Variants in ANK3 observed in about 807,000 individuals in gnomAD.
ANK3 encodes the protein ankyrin-3.
ANK3 carries 57 observed loss-of-function variants against 370.9 expected under a neutral mutation model. The observed-to-expected ratio is 0.15, with a 90% CI of 0.12 to 0.19. The LOEUF (loss-of-function observed/expected upper bound fraction) is 0.19, where lower values mean the gene tolerates loss of function less well. Ranked by LOEUF, ANK3 falls within the 10% of genes least tolerant of loss-of-function variation. The probability of loss-of-function intolerance (pLI) is 1.00; values close to 1 mark genes in which losing one functional copy is unlikely to be tolerated. For synonymous variants in ANK3, 1,929 were observed against 1,946.3 expected, an observed-to-expected ratio of 0.99 and a Z score of 0.23; for missense variants, 4,439 against 5,302.1, an observed-to-expected ratio of 0.84 and a Z score of 5.06.
At chr10:60,088,487 G>A (rs1007886963) in intron 28 of ANK3, 129 bp from the exon 29 acceptor site, 41 of 806,862 alleles carry the variant, frequency 5.1e-5, no homozygotes, top group South Asian at 2.7e-4. Flanking sequence ...GTGCAATGGC[G>A]TGATCTTGGC....
intron 2 of ANK3, among the ~76,000 whole-genome samples, chr10:60,560,466 A>G (rs1216910752): frequency 6.6e-6 from 1 of 152,230 alleles, no homozygotes; most frequent in East Asian, 1.9e-4. Context: ...GCTGGAATCT[A>G]GAGCATATTG....
At chr10:60,217,661 G>C (rs964011982) in intron 8 of ANK3, among the ~76,000 whole-genome samples, 1 of 152,166 alleles carries the variant, frequency 6.6e-6, no homozygotes, top group African/African-American at 2.4e-5. Context: ...GCCGAGGAGT[G>C]TTTTACTTCC....
At chr10:60,345,760 T>C (rs150644967) in intron 1 of ANK3, among the ~76,000 whole-genome samples, 16 of 152,240 alleles carry the variant, frequency 1.1e-4, no homozygotes, top group Admixed American at 7.2e-4. Context: ...ACGAGTCTTA[T>C]ATTCTTAATA....
chr10:60,390,654 A>C (rs1349577383), upstream of ANK3, among the ~76,000 whole-genome samples: 55 of 151,904 alleles, frequency 3.6e-4, no homozygotes, highest in Admixed American at 3.5e-3. Context: ...CACAGTATTC[A>C]CAGTAAGCGC....
Position 60,081,976 on chromosome 10 carries a change from T to C in ANK3, c.4350+174A>G, listed in dbSNP as rs2085391244. ...TTGAATATATTTAAGTACTCTTAAG[T>C]ACGTGTGGAAGAAGAGTGAACCATT... On this transcript the variant is annotated intron_variant, in intron 35 of 43. Transcript: ENST00000280772. 5 of 460,630 alleles carry C rather than the reference T, an allele frequency of 1.1e-5. No homozygotes were observed. The South Asian group carries it at 2.5e-4, about 23-fold the overall frequency. 28.5% of individuals were successfully genotyped at this position (460,630 alleles called of 1,614,324 possible). A position where few individuals can be genotyped will look rare whatever the true frequency, so the allele number is the denominator to read the frequency against.
intron 25 of ANK3, among the ~76,000 whole-genome samples, chr10:60,122,836 G>A (rs1471177003): frequency 6.6e-6 from 1 of 152,134 alleles, no homozygotes; most frequent in East Asian, 1.9e-4. Context: ...CCAGCACTGG[G>A]GCATTATAGT....
chr10:60,070,319 C>T lies in ANK3; in HGVS notation c.10562G>A (p.Ser3521Asn), dbSNP rs753265298. ...GGCAAATTCTTCATCTACTTTGTAA[C>T]TGAAGTAAGTATCAGGAAACACTGA... ...DRSVFPDTYF[S>N]YKVDEEFATP... Residue 3521 changes from serine to asparagine, a missense_variant, in exon 37 of 44, where the codon AGT becomes AAT. This residue lies in a region of ANK3 where 1,601 missense variants were observed against 1,731.7 expected (regional missense o/e 0.92). Coordinates refer to ENST00000280772, the MANE Select transcript of ANK3 (RefSeq NM_020987.5). The surrounding 1 kb of genome is among the most constrained non-coding windows in gnomAD (Gnocchi z 5.7). The T allele has an allele frequency of 8.1e-6, 13 of 1,614,000 alleles. No individual in the cohort carries two copies. Among genetic ancestry groups the T allele is most frequent in the African/African-American group, 2.7e-5 (2 of 74,914 alleles).
At chr10:60,350,253 A>G (rs1455425348) in intron 1 of ANK3, among the ~76,000 whole-genome samples, 1 of 152,218 alleles carries the variant, frequency 6.6e-6, no homozygotes, top group Non-Finnish European at 1.5e-5. Context: ...ATCGAGCAAA[A>G]TGGTAGCTAA....
At chr10:60,572,057 A>C (rs1208601512) in intron 2 of ANK3, among the ~76,000 whole-genome samples, 1 of 152,214 alleles carries the variant, frequency 6.6e-6, no homozygotes, top group Non-Finnish European at 1.5e-5. Context: ...TTTCCCTAAA[A>C]TATATGTTAA....
At chr10:60,093,438 C>T (rs2089234551) in intron 28 of ANK3, among the ~76,000 whole-genome samples, 1 of 152,178 alleles carries the variant, frequency 6.6e-6, no homozygotes, top group African/African-American at 2.4e-5. Flanking sequence ...CTGCTTATAA[C>T]AAGCTGTGTA....
At chr10:60,367,195 A>C (rs534650989) in intron 1 of ANK3, among the ~76,000 whole-genome samples, 33 of 152,360 alleles carry the variant, frequency 2.2e-4, no homozygotes, top group Admixed American at 1.6e-3. Context: ...TAGATGGCAC[A>C]GACTGCCTTA....
intron 1 of ANK3, among the ~76,000 whole-genome samples, chr10:60,676,312 T>C (rs1341634867): frequency 5.3e-5 from 8 of 152,180 alleles, no homozygotes; most frequent in Non-Finnish European, 7.4e-5. Context: ...TAAAAGGATA[T>C]ATGTGTTCAT....
rs80014292 is a variant in ANK3, at chr10:60,430,831, T to C, written c.97-151192A>G. Among the ~76,000 whole-genome samples the C allele has an allele frequency of 6.9e-3, 1,055 of 152,326 alleles. 9 individuals carry two copies. Among genetic ancestry groups the C allele is most frequent in the Non-Finnish European group, 0.011 (754 of 68,032 alleles). On this transcript the variant is annotated intron_variant, in intron 2 of 43. Coordinates refer to the ANK3 transcript ENST00000373827. ...AAAAAAAAACTTGGATTTGAATTCT[T>C]ACTCTACTATCTCTTAGCTGTGTAA...
rs539897159 is a variant in ANK3 at position 60,449,513 on chromosome 10, T to C, written c.96+165673A>G. On this transcript the variant is annotated intron_variant, in intron 2 of 43. Coordinates refer to the ANK3 transcript ENST00000373827. ...GGAAATTTCGTCTCATTAAAAAGTA[T>C]TCACATAGTACCATTAAAAAATATT... is the stretch of plus-strand genomic sequence containing the variant. Among the ~76,000 whole-genome samples, 246 of 152,300 alleles carry C rather than the reference T, an allele frequency of 1.6e-3. 5 individuals are homozygous for C. The highest frequency in any genetic ancestry group is 5.3e-4 in the Non-Finnish European group (36 of 68,024).
chr10:60,144,006 C>T (rs893749594), intron 23 of ANK3, among the ~76,000 whole-genome samples: 22 of 152,298 alleles, frequency 1.4e-4, no homozygotes, highest in African/African-American at 2.6e-4. Flanking sequence ...GCCCAGCCAA[C>T]GCTCAGCTGT....
chr10:60,340,660 C>T (rs2054069418), intron 1 of ANK3, among the ~76,000 whole-genome samples: 1 of 152,110 alleles, frequency 6.6e-6, no homozygotes, highest in Non-Finnish European at 1.5e-5. Context: ...AATCCTCCCT[C>T]CTCAGCCTCC....
intron 1 of ANK3, among the ~76,000 whole-genome samples, chr10:60,319,715 T>C (rs947629523): frequency 1.3e-5 from 2 of 152,198 alleles, no homozygotes; most frequent in African/African-American, 2.4e-5. Flanking sequence ...GAAACAGCTA[T>C]GCTGTGAAGA....
rs533980313 is a variant in ANK3 at position 60,180,029 on chromosome 10, G to A, written c.2184+1300C>T. ...TCTCTCTCTGTGTGTGAATAAAGCG[G>A]TATGGAATGAAGACATTTACCATAA... On this transcript the variant is annotated intron_variant, in intron 18 of 43. Transcript: ENST00000280772. 5.9e-5 allele frequency among the ~76,000 whole-genome samples: 9 copies of A among 152,222 alleles called. No homozygotes were observed. In the East Asian group the frequency reaches 1.7e-3, roughly 29 times the overall value.
chr10:60,282,233 A>G (rs1245016491), intron 1 of ANK3, among the ~76,000 whole-genome samples: 1 of 152,192 alleles, frequency 6.6e-6, no homozygotes, highest in African/African-American at 2.4e-5. Flanking sequence ...AACATGGAGT[A>G]CATAACAACA....
Sources: gnomAD v4.1 joint callset for allele counts (sites outside exome capture counted in the v4.1 genomes callset) on GRCh38, gnomAD v4.1.1 for gene constraint, gnomAD v4.1.1 regional missense constraint, Gnocchi (gnomAD v3.1) non-coding constraint, MANE v1.5 for transcripts, NCBI Gene and HGNC (gene_info 2026-07-23, HGNC 2026-07-21) for gene names.